Variants in SMYD1 observed in about 807,000 individuals in gnomAD.
SMYD1 encodes the protein SET and MYND domain containing 1.
A neutral mutation model predicts 54.0 loss-of-function variants in SMYD1; 49 were observed. The ratio of observed to expected loss-of-function variants is 0.91; its 90% CI spans 0.72 to 1.15. The LOEUF (loss-of-function observed/expected upper bound fraction) is 1.15. SMYD1 is among the 50% of genes most tolerant of loss of function. SMYD1 has a pLI of 0.00. For missense variants in SMYD1, 653 were observed against 639.6 expected, an observed-to-expected ratio of 1.02 and a Z score of -0.23; for synonymous variants, 269 against 234.2, an observed-to-expected ratio of 1.15 and a Z score of -1.36.
intron 1 of SMYD1, among the ~76,000 whole-genome samples, chr2:88,078,990 G>A (rs532804347): frequency 8.5e-5 from 13 of 152,372 alleles, no homozygotes; most frequent in African/African-American, 3.1e-4. Flanking sequence ...TGTGATCCTG[G>A]AGGAACTATT....
intron 5 of SMYD1, among the ~76,000 whole-genome samples, chr2:88,095,092 A>G (rs1395556634): frequency 1.3e-5 from 2 of 152,136 alleles, no homozygotes; most frequent in Non-Finnish European, 2.9e-5. Context: ...CTGTCCCGAA[A>G]GTGTTGTGGG....
intron 1 of SMYD1, among the ~76,000 whole-genome samples, chr2:88,076,786 C>T (rs927755644): frequency 5.3e-5 from 8 of 152,100 alleles, no homozygotes; most frequent in Admixed American, 3.9e-4. Flanking sequence ...GCAGGCGGAT[C>T]GCTTGAGCTC....
chr2:88,074,036 A>T (rs1422226355), intron 1 of SMYD1, among the ~76,000 whole-genome samples: 2 of 152,186 alleles, frequency 1.3e-5, no homozygotes, highest in Non-Finnish European at 2.9e-5. Flanking sequence ...AGAGAGAGAA[A>T]GAGAGAGGGA....
chr2:88,084,031 T>C (rs1350310417), intron 1 of SMYD1, among the ~76,000 whole-genome samples: 1 of 152,030 alleles, frequency 6.6e-6, no homozygotes, highest in Non-Finnish European at 1.5e-5. Context: ...GAGGCGGAGG[T>C]TGCAGTGAGC....
At position 88,084,323 on chromosome 2, in the gene SMYD1, A is replaced by T; in HGVS notation, c.145A>T (p.Asn49Tyr). Residue 49 changes from asparagine to tyrosine, a missense_variant, in exon 2 of 10, where the codon AAT becomes TAT. By Grantham distance (143) the Asn-to-Tyr change is moderately radical. Coordinates refer to ENST00000419482, the MANE Select transcript of SMYD1 (RefSeq NM_198274.4). Reference protein sequence around the residue: ...YSAVVFDSLVNFVCHTCFKRQ... With the variant: ...YSAVVFDSLVYFVCHTCFKRQ... The stretch of plus-strand genomic sequence containing the variant: ...TTCTTTCTCCATTTCCAGCCTTGTT[A>T]ATTTTGTGTGCCACACCTGCTTCAA... 6.4e-7 allele frequency: 1 copy of T among 1,568,554 alleles called. No homozygotes were observed. The highest frequency in any genetic ancestry group is 2.3e-5 in the East Asian group (1 of 43,892).
At chr2:88,074,774 G>A (rs963834066) in intron 1 of SMYD1, among the ~76,000 whole-genome samples, 24 of 152,148 alleles carry the variant, frequency 1.6e-4, no homozygotes, top group African/African-American at 5.6e-4. Context: ...AAGATAGTGG[G>A]GAACATGAGA....
rs1384450890 is a variant in SMYD1, at chr2:88,111,437, C to T, written c.*925C>T. On this transcript the variant is annotated 3_prime_UTR_variant, in exon 10 of 10. Coordinates refer to ENST00000419482, the MANE Select transcript of SMYD1 (RefSeq NM_198274.4). The stretch of plus-strand genomic sequence containing the variant: ...AACACACATACCTGTTGATCATGGG[C>T]CCTGCAGAATTGGCCCTTGGGGGCT... 1 of 152,264 alleles carries T rather than the reference C, an allele frequency of 6.6e-6. No homozygotes were observed. Among genetic ancestry groups the T allele is most frequent in the African/African-American group, 2.4e-5 (1 of 41,460 alleles). 9.4% of individuals were successfully genotyped at this position (152,264 alleles called of 1,614,324 possible).
chr2:88,096,166 C>G (rs986937074), intron 5 of SMYD1, among the ~76,000 whole-genome samples: 1 of 152,222 alleles, frequency 6.6e-6, no homozygotes, highest in Non-Finnish European at 1.5e-5. Context: ...GTGTATGTTT[C>G]TGAGAGAGTA....
intron 2 of SMYD1, 149 bp from the exon 3 acceptor site, chr2:88,087,713 A>T: frequency 1.4e-6 from 1 of 691,704 alleles, no homozygotes; most frequent in Non-Finnish European, 2.4e-6. Context: ...CACTATATGA[A>T]GCATCATGAT....
intron 1 of SMYD1, among the ~76,000 whole-genome samples, chr2:88,072,660 G>A (rs1673974999): frequency 6.6e-6 from 1 of 151,968 alleles, no homozygotes; most frequent in African/African-American, 2.4e-5. Flanking sequence ...TGGTTTAATT[G>A]GCAGATTTTT....
At chr2:88,102,800 C>T (rs1674749510) in intron 6 of SMYD1, among the ~76,000 whole-genome samples, 1 of 152,076 alleles carries the variant, frequency 6.6e-6, no homozygotes, top group Non-Finnish European at 1.5e-5. Context: ...TTCAAAGGGC[C>T]AGGAATTTGC....
At chr2:88,110,231 G>C in intron 9 of SMYD1, 123 bp from the exon 10 acceptor site, 1 of 975,706 alleles carries the variant, frequency 1.0e-6, no homozygotes, top group Non-Finnish European at 1.5e-6. Flanking sequence ...GTGTGTGTGT[G>C]TGTATTCTGA....
intron 5 of SMYD1, among the ~76,000 whole-genome samples, chr2:88,096,208 T>G (rs2104002124): frequency 6.6e-6 from 1 of 152,220 alleles, no homozygotes; most frequent in South Asian, 2.1e-4. Context: ...TATTTTTAGG[T>G]TTTTTCTTGT....
intron 7 of SMYD1, among the ~76,000 whole-genome samples, chr2:88,105,799 G>C (rs140638285): frequency 6.6e-6 from 1 of 152,072 alleles, no homozygotes; most frequent in African/African-American, 2.4e-5. Flanking sequence ...TTATTTGGGC[G>C]TGGTGGTGTG....
At chr2:88,085,170 CA>C (rs1475323069) in intron 2 of SMYD1, among the ~76,000 whole-genome samples, 1 of 152,058 alleles carries the variant, frequency 6.6e-6, no homozygotes, top group East Asian at 1.9e-4. Flanking sequence ...GAAAATCTGG[CA>C]AAATAGGCTA....
Position 88,087,912 on chromosome 2 carries a change from C to T in SMYD1, c.365C>T (p.Thr122Met), listed in dbSNP as rs772487548. Reference protein sequence around the residue: ...WRVEREGTGLTEGCLVSVDDL... With the variant: ...WRVEREGTGLMEGCLVSVDDL... ...GTGGAGAGAGAAGGCACCGGGCTCA[C>T]GGAGGGCTGCCTGGTGTCCGTGGAC... The change falls in exon 3 of 10, where the codon ACG becomes ATG. Residue 122 changes from threonine to methionine, a missense_variant. Transcript: ENST00000419482. The T allele has an allele frequency of 5.0e-6, 8 of 1,611,660 alleles. No individual in the cohort carries two copies. Among genetic ancestry groups the T allele is most frequent in the South Asian group, 4.4e-5 (4 of 90,744 alleles).
Position 88,079,155 on chromosome 2 carries a change from A to C in SMYD1, c.138-5161A>C, listed in dbSNP as rs1674132575. ...CAAGGCTTGATAAAATGATTATATA[A>C]GTGTAATGTTCTCCCTGTCACCCAA... On this transcript the variant is annotated intron_variant, in intron 1 of 9. Coordinates refer to ENST00000419482, the MANE Select transcript of SMYD1 (RefSeq NM_198274.4). Among the ~76,000 whole-genome samples, 2 of 152,206 alleles carry C rather than the reference A, an allele frequency of 1.3e-5. 1 individual carries two copies. Among genetic ancestry groups the C allele is most frequent in the South Asian group, 4.1e-4 (2 of 4,828 alleles).
rs369177757 is a variant in SMYD1, at chr2:88,093,910, C to G, written c.698+355C>G. Among the ~76,000 whole-genome samples the G allele has an allele frequency of 2.4e-4, 37 of 152,300 alleles. 1 individual carries two copies. The East Asian group carries it at 4.4e-3, about 18-fold the overall frequency. On this transcript the variant is annotated intron_variant, in intron 5 of 9. Transcript: ENST00000419482. ...TGAAATGGGGACTGTGACTGACCTA[C>G]TAAAGGACTGTCTGTTTATAAGCCC...
intron 4 of SMYD1, among the ~76,000 whole-genome samples, chr2:88,091,726 T>C (rs1028384562): frequency 6.6e-6 from 1 of 152,120 alleles, no homozygotes; most frequent in Admixed American, 6.6e-5. Flanking sequence ...TAGCCGGGCA[T>C]GGTGGTGTGT....
Sources: gnomAD v4.1 joint callset for allele counts (sites outside exome capture counted in the v4.1 genomes callset) on GRCh38, gnomAD v4.1.1 for gene constraint, MANE v1.5 for transcripts, NCBI Gene and HGNC (gene_info 2026-07-23, HGNC 2026-07-21) for gene names.